VPS33B: variants seen among roughly 807,000 people sequenced by gnomAD.
VPS33B encodes vacuolar protein sorting-associated protein 33B.
VPS33B carries 80 observed loss-of-function variants against 95.3 expected under a neutral mutation model. The ratio of observed to expected loss-of-function variants is 0.84; its 90% CI spans 0.70 to 1.01. The LOEUF (loss-of-function observed/expected upper bound fraction) is 1.01. Among genes scored for constraint, VPS33B ranks in the 50% least tolerant of loss-of-function variants. VPS33B has a pLI of 0.00. For missense variants in VPS33B, 715 were observed against 773.4 expected (o/e 0.92, Z 0.90); for synonymous variants, 280 against 280.4 (o/e 1.00, Z 0.01).
At chr15:91,022,110 G>A in intron 1 of VPS33B, 44 bp downstream of exon 1, 1 of 1,542,182 alleles carries the variant, frequency 6.5e-7, no homozygotes, top group Non-Finnish European at 8.8e-7. Flanking sequence ...CATCCAATGA[G>A]TGCTAAACTG....
At chr15:91,016,334 G>A (rs1316434234) in intron 3 of VPS33B, among the ~76,000 whole-genome samples, 9 of 151,504 alleles carry the variant, frequency 5.9e-5, no homozygotes, top group Admixed American at 5.9e-4. Flanking sequence ...CAAATAATGT[G>A]GACAATCTTC....
Position 91,007,625 on chromosome 15 carries a change from C to G in VPS33B, c.499-52G>C. The G allele has an allele frequency of 6.3e-7, 1 of 1,592,028 alleles. No individual in the cohort carries two copies. Among genetic ancestry groups the G allele is most frequent in the Non-Finnish European group, 8.6e-7 (1 of 1,160,128 alleles). On this transcript the variant is annotated intron_variant, in intron 7 of 22. Coordinates refer to ENST00000333371, the MANE Select transcript of VPS33B (RefSeq NM_018668.5). The surrounding 1 kb of genome is among the most constrained non-coding windows in gnomAD (Gnocchi z 5.3). ...ATATGAATCAACCCAGTAGGACCAC[C>G]TGGAAAGTGGCTAGCCCTAGAAGCC...
At position 91,022,147 on chromosome 15, in the gene VPS33B, C is replaced by G; in HGVS notation, c.96+7G>C. 6.4e-7 allele frequency: 1 copy of G among 1,558,032 alleles called. No individual in the cohort carries two copies. Among genetic ancestry groups the G allele is most frequent in the South Asian group, 1.2e-5 (1 of 84,612 alleles). On this transcript the variant is annotated splice_region_variant and intron_variant, in intron 1 of 22. Coordinates refer to ENST00000333371, the MANE Select transcript of VPS33B (RefSeq NM_018668.5). ...AGATGCGATAAAGGCGTCAGGCAAG[C>G]ACTGACCTGCTCCAGCAGATAGATG...
chr15:91,017,365 T>TTAAAAAAAAAAAA (rs1555460460), intron 2 of VPS33B, among the ~76,000 whole-genome samples: 4 of 16,996 alleles, frequency 2.4e-4, no homozygotes, highest in Non-Finnish European at 2.6e-4. Context: ...TCTACAAAAT[T>TTAAAAAAAAAAAA]AAATATATAT....
In VPS33B at chr15:91,013,872, C is replaced by T; in HGVS notation, c.290-1G>A. ...GCCAATTTGTCAGCATTGACAAGAC[C>T]TACAGAGAGAAGGAATGCAGCCCAG... is the stretch of plus-strand genomic sequence containing the variant. On this transcript the variant is annotated splice_acceptor_variant, in intron 4 of 22. Transcript: ENST00000333371. LOFTEE classifies it high-confidence loss of function. This position sits in a 1 kb window ranked among gnomAD's most constrained non-coding sequence, Gnocchi z 4.5. The T allele has an allele frequency of 6.2e-7, 1 of 1,614,034 alleles. No homozygotes were observed. Among genetic ancestry groups the T allele is most frequent in the Non-Finnish European group, 8.5e-7 (1 of 1,179,954 alleles).
chr15:91,007,091 C>G lies in VPS33B; in HGVS notation c.604-45G>C, dbSNP rs201078389. On this transcript the variant is annotated intron_variant, in intron 8 of 22. Transcript: ENST00000333371. The surrounding 1 kb of genome is among the most constrained non-coding windows in gnomAD (Gnocchi z 5.3). ...TCTCAGTCTTGTGTCCAGGTCCCTA[C>G]TGCAGCCCCATACCTACAGAAGTCA... 1.6e-4 allele frequency: 252 copies of G among 1,597,378 alleles called. 3 individuals carry two copies. In the Admixed American group the frequency reaches 4.1e-3, roughly 26 times the overall value.
At position 91,013,707 on chromosome 15, in the gene VPS33B, G is replaced by A. The variant is rs77477989; in HGVS notation, c.357+97C>T. On this transcript the variant is annotated intron_variant, in intron 5 of 22. Coordinates refer to ENST00000333371, the MANE Select transcript of VPS33B (RefSeq NM_018668.5). This position sits in a 1 kb window ranked among gnomAD's most constrained non-coding sequence, Gnocchi z 4.5. ...GTATTCTGTTACAGCAACAGAAAAC[G>A]AACGGAGACAGGGAGGTAGTGCTGT... 8 of 1,297,088 alleles carry A rather than the reference G, an allele frequency of 6.2e-6. No homozygotes were observed. Among genetic ancestry groups the A allele is most frequent in the Admixed American group, 1.7e-5 (1 of 59,472 alleles). The allele number at this position is 1,297,088 out of a possible 1,614,324, so 80.3% of individuals were successfully genotyped here. A position where few individuals can be genotyped will look rare whatever the true frequency, so the allele number is the denominator to read the frequency against.
In VPS33B at chr15:91,002,633, A is replaced by AT. The variant is rs1219266897; in HGVS notation, c.1272+451dup. On this transcript the variant is annotated intron_variant, in intron 17 of 22. Coordinates refer to ENST00000333371, the MANE Select transcript of VPS33B (RefSeq NM_018668.5). This position sits in a 1 kb window ranked among gnomAD's most constrained non-coding sequence, Gnocchi z 4.7. The stretch of plus-strand genomic sequence containing the variant: ...CAACAGAGCGAGACATCGTCTCGAA[A>AT]TAAAAAAAAAAAAAAAAAGAAAAGA... 7.0e-6 allele frequency among the ~76,000 whole-genome samples: 1 copy of AT among 143,418 alleles called. No homozygotes were observed. The highest frequency in any genetic ancestry group is 2.7e-5 in the African/African-American group (1 of 36,938). The allele number at this position is 143,418 out of a possible 152,430, so 94.1% of individuals were successfully genotyped here.
In VPS33B at chr15:90,999,136, C is replaced by G; in HGVS notation, c.1775-82G>C. The G allele has an allele frequency of 1.5e-6, 2 of 1,309,022 alleles. No individual in the cohort carries two copies. Among genetic ancestry groups the G allele is most frequent in the Non-Finnish European group, 2.2e-6 (2 of 914,354 alleles). The allele number at this position is 1,309,022 out of a possible 1,614,324, so 81.1% of individuals were successfully genotyped here. A position where few individuals can be genotyped will look rare whatever the true frequency, so the allele number is the denominator to read the frequency against. On this transcript the variant is annotated intron_variant, in intron 22 of 22. Coordinates refer to ENST00000333371, the MANE Select transcript of VPS33B (RefSeq NM_018668.5). The surrounding 1 kb of genome is among the most constrained non-coding windows in gnomAD (Gnocchi z 5.1). The stretch of plus-strand genomic sequence containing the variant: ...AACCCATAGAGCCTCTCCAGTTCCA[C>G]AGTCCCCACGGGATCACAGCACCAG...
At chr15:91,003,556 C>T (rs996597499) in intron 16 of VPS33B, among the ~76,000 whole-genome samples, 7 of 152,202 alleles carry the variant, frequency 4.6e-5, no homozygotes, top group Non-Finnish European at 8.8e-5. Flanking sequence ...TCTCCTGCCT[C>T]AGCCTCCTGA....
At position 91,011,545 on chromosome 15, in the gene VPS33B, G is replaced by A. The variant is rs1194465324; in HGVS notation, c.358-1699C>T. On this transcript the variant is annotated intron_variant, in intron 5 of 22. Transcript: ENST00000333371. This position sits in a 1 kb window ranked among gnomAD's most constrained non-coding sequence, Gnocchi z 5.5. ...AAAGGAGTCTCAAAGAAGAGAGAGA[G>A]ATGCCTCCTAATATAAAATTAGGTC... is the stretch of plus-strand genomic sequence containing the variant. Among the ~76,000 whole-genome samples, 1 of 152,220 alleles carries A rather than the reference G, an allele frequency of 6.6e-6. No homozygotes were observed. The highest frequency in any genetic ancestry group is 1.5e-5 in the Non-Finnish European group (1 of 68,048).
rs200366696 is a variant in VPS33B, at chr15:91,005,814, C to T, written c.940-30G>A. The stretch of plus-strand genomic sequence containing the variant: ...GGGAAAATTCCCAAAGGTGAACCCC[C>T]CAACCTCAGACACGAGAAACCACCA... On this transcript the variant is annotated intron_variant, in intron 12 of 22. Coordinates refer to ENST00000333371, the MANE Select transcript of VPS33B (RefSeq NM_018668.5). The surrounding 1 kb of genome is among the most constrained non-coding windows in gnomAD (Gnocchi z 6.4). 1.7e-5 allele frequency: 27 copies of T among 1,613,964 alleles called. No homozygotes were observed. In the East Asian group the frequency reaches 3.6e-4, roughly 21 times the overall value.
In VPS33B at chr15:90,999,679, T is replaced by G; in HGVS notation, c.1772A>C (p.Lys591Thr). Residue 591 changes from lysine to threonine, a missense_variant and splice_region_variant, in exon 22 of 23, where the codon AAA becomes ACA. By Grantham distance (78) the Lys-to-Thr change is moderately conservative (BLOSUM62 -1). Coordinates refer to ENST00000333371, the MANE Select transcript of VPS33B (RefSeq NM_018668.5). The surrounding 1 kb of genome is among the most constrained non-coding windows in gnomAD (Gnocchi z 5.1). ...CTCACCTTTCTGCTCTCTCTTACCT[T>G]TCTCTCTGCCCAGGAACCGGAGGGC... ...ISALRFLGRE[K>T]GYRFIFLTTA... 2 of 1,614,006 alleles carry G rather than the reference T, an allele frequency of 1.2e-6. No homozygotes were observed. The highest frequency in any genetic ancestry group is 1.7e-6 in the Non-Finnish European group (2 of 1,179,934).
At chr15:91,017,115 C>A in intron 2 of VPS33B, 91 bp from the exon 3 acceptor site, 1 of 1,111,118 alleles carries the variant, frequency 9.0e-7, no homozygotes, top group Non-Finnish European at 1.4e-6. Flanking sequence ...TGAGGGCTTC[C>A]TAATTATGCT....
intron 17 of VPS33B, 68 bp downstream of exon 17, chr15:91,003,017 C>T: frequency 1.9e-6 from 3 of 1,566,516 alleles, no homozygotes; most frequent in Non-Finnish European, 2.6e-6. Flanking sequence ...CTTCTCTTGC[C>T]TCTTTCAAAA....
rs1163859946 is a variant in VPS33B, at chr15:91,022,315, C to G, written c.-66G>C. On this transcript the variant is annotated 5_prime_UTR_variant, in exon 1 of 23. Coordinates refer to ENST00000333371, the MANE Select transcript of VPS33B (RefSeq NM_018668.5). ...CGTTCTGAGAAGGCCGGCCGCAGCC[C>G]AGGGAAGCGCAAGGGGGGCTATCCT... The G allele has an allele frequency of 2.0e-5, 30 of 1,472,684 alleles. No homozygotes were observed. Among genetic ancestry groups the G allele is most frequent in the Non-Finnish European group, 5.5e-6 (6 of 1,097,456 alleles). The allele number at this position is 1,472,684 out of a possible 1,614,324, so 91.2% of individuals were successfully genotyped here.
Position 91,000,509 on chromosome 15 carries a change from C to T in VPS33B, c.1562G>A (p.Ser521Asn), listed in dbSNP as rs1347104287. Residue 521 changes from serine to asparagine, a missense_variant, in exon 20 of 23, where the codon AGC (serine) becomes AAC (asparagine). Ser to Asn is a conservative substitution (Grantham distance 46). Coordinates refer to ENST00000333371, the MANE Select transcript of VPS33B (RefSeq NM_018668.5). The surrounding 1 kb of genome is among the most constrained non-coding windows in gnomAD (Gnocchi z 4.9). ...YVFGGAYVPL[S>N]CRIIEQVLER... ...TCTCACCTGCTCAATGATTCGGCAG[C>T]TCAGGGGCACATAAGCACCACCGAA... The T allele has an allele frequency of 6.2e-7, 1 of 1,613,326 alleles. No individual in the cohort carries two copies. Among genetic ancestry groups the T allele is most frequent in the Non-Finnish European group, 8.5e-7 (1 of 1,179,558 alleles).
In VPS33B at chr15:91,015,192, TGG is replaced by T. The variant is rs1346916995; in HGVS notation, c.240-761_240-760del. ...CTCTACTAAAAATACAAAAATTGGC[TGG>T]GCATGGTGGCGCATGTCTGTAATCC... On this transcript the variant is annotated intron_variant, in intron 3 of 22. Transcript: ENST00000333371. The surrounding 1 kb of genome is among the most constrained non-coding windows in gnomAD (Gnocchi z 4.7). Among the ~76,000 whole-genome samples, 1 of 151,848 alleles carries T rather than the reference TGG, an allele frequency of 6.6e-6. No homozygotes were observed. The highest frequency in any genetic ancestry group is 6.6e-5 in the Admixed American group (1 of 15,240).
In VPS33B at chr15:91,011,386, C is replaced by A. The variant is rs955549170; in HGVS notation, c.358-1540G>T. On this transcript the variant is annotated intron_variant, in intron 5 of 22. Coordinates refer to ENST00000333371, the MANE Select transcript of VPS33B (RefSeq NM_018668.5). The surrounding 1 kb of genome is among the most constrained non-coding windows in gnomAD (Gnocchi z 5.5). The stretch of plus-strand genomic sequence containing the variant: ...CTACGTGCTCCTTATTTTACTGTTA[C>A]ACAGAAGAATCCTATTCCTCCCTCA... Among the ~76,000 whole-genome samples the A allele has an allele frequency of 1.3e-5, 2 of 152,176 alleles. No homozygotes were observed. The highest frequency in any genetic ancestry group is 2.4e-5 in the African/African-American group (1 of 41,442).
Sources: allele counts gnomAD v4.1 joint callset (sites outside exome capture counted in the v4.1 genomes callset), GRCh38; gene constraint gnomAD v4.1.1; non-coding constraint Gnocchi (gnomAD v3.1); transcripts MANE v1.5; gene names NCBI Gene and HGNC (gene_info 2026-07-23, HGNC 2026-07-21).